The following LINGO2 variants were observed in gnomAD, a reference collection of about 807,000 sequenced individuals.
LINGO2 encodes leucine-rich repeat and immunoglobulin-like domain-containing nogo receptor-interacting protein 2.
A neutral mutation model predicts 30.6 loss-of-function variants in LINGO2; 14 were observed. The ratio of observed to expected loss-of-function variants is 0.46; its 90% CI spans 0.30 to 0.72. The LOEUF is 0.72. Ranked by LOEUF, LINGO2 falls within the 30% of genes least tolerant of loss-of-function variation. LINGO2 has a pLI of 0.07. For missense variants in LINGO2, 729 were observed against 751.7 expected (o/e 0.97, Z 0.35); for synonymous variants, 317 against 288.5 (o/e 1.10, Z -1.00).
intron 1 of LINGO2, among the ~76,000 whole-genome samples, chr9:28,605,932 A>G (rs1825675618): frequency 6.6e-6 from 1 of 152,036 alleles, no homozygotes; most frequent in African/African-American, 2.4e-5. Context: ...AATCTTTGCC[A>G]TTTCTCAGGT....
At chr9:28,633,088 G>A (rs1414917413) in intron 1 of LINGO2, among the ~76,000 whole-genome samples, 1 of 151,544 alleles carries the variant, frequency 6.6e-6, no homozygotes, top group Admixed American at 6.6e-5. Context: ...TAGACTAGGA[G>A]GCTAGGCCCA....
chr9:27,994,221 C>A lies in LINGO2; in HGVS notation c.-36+18134G>T, dbSNP rs559508286. Among the ~76,000 whole-genome samples, 16 of 151,672 alleles carry A rather than the reference C, an allele frequency of 1.1e-4. No individual in the cohort carries two copies. In the South Asian group the frequency reaches 3.3e-3, roughly 32 times the overall value. ...GTAAAAAGACTTCAGATAAACATCCCAAAAATGGACCTCAAAGAACTAGAA... is the reference window on the plus strand; with the variant it reads ...GTAAAAAGACTTCAGATAAACATCCAAAAAATGGACCTCAAAGAACTAGAA... On this transcript the variant is annotated intron_variant, in intron 5 of 5. Transcript: ENST00000379992.
the LINGO2 span, among the ~76,000 whole-genome samples, chr9:28,952,612 C>G: frequency 6.6e-6 from 1 of 152,110 alleles, no homozygotes; most frequent in East Asian, 1.9e-4. Flanking sequence ...CCTCTTAGAA[C>G]TCTTCCACCA....
chr9:28,418,674 G>C (rs1319676634), intron 2 of LINGO2, among the ~76,000 whole-genome samples: 2 of 152,044 alleles, frequency 1.3e-5, no homozygotes, highest in Non-Finnish European at 2.9e-5. Flanking sequence ...GATTAAAAGA[G>C]ACCATTTAGA....
At chr9:28,167,416 T>C (rs1828462240) in intron 4 of LINGO2, among the ~76,000 whole-genome samples, 1 of 152,246 alleles carries the variant, frequency 6.6e-6, no homozygotes. Context: ...AGTCTCCCTC[T>C]GTTGCCCCAG....
the LINGO2 span, among the ~76,000 whole-genome samples, chr9:28,880,939 A>T: frequency 4.6e-5 from 7 of 152,116 alleles, no homozygotes; most frequent in African/African-American, 1.7e-4. Context: ...TAATTATGAC[A>T]TAGATTCTTT....
the LINGO2 span, among the ~76,000 whole-genome samples, chr9:28,905,370 G>A: frequency 6.6e-6 from 1 of 150,894 alleles, no homozygotes; most frequent in Non-Finnish European, 1.5e-5. Flanking sequence ...CCTATAGAGT[G>A]GGATAAAACA....
rs1564160046 is a variant in LINGO2 at position 28,376,258 on chromosome 9, GA to G, written c.-278-3391del. On this transcript the variant is annotated intron_variant, in intron 2 of 5. Transcript: ENST00000379992. Reference sequence around the variant, plus strand: ...GAATTTTAGAATGGGTAGGAGAAGAGAAGAAGAGAAGAGAAGAGAAGAGAAG... The same window carrying G: ...GAATTTTAGAATGGGTAGGAGAAGAGAGAAGAGAAGAGAAGAGAAGAGAAG... 1.6e-4 allele frequency among the ~76,000 whole-genome samples: 24 copies of G among 148,842 alleles called. No homozygotes were observed. The South Asian group carries it at 4.6e-3, about 29-fold the overall frequency.
chr9:29,072,750 G>A, the LINGO2 span, among the ~76,000 whole-genome samples: 2 of 151,056 alleles, frequency 1.3e-5, no homozygotes, highest in Non-Finnish European at 2.9e-5. Flanking sequence ...TTTCTTCTCT[G>A]TCTCCTCTTC....
At chr9:29,098,630 G>C in the LINGO2 span, among the ~76,000 whole-genome samples, 2 of 152,100 alleles carry the variant, frequency 1.3e-5, no homozygotes, top group African/African-American at 4.8e-5. Flanking sequence ...GTAATATAGG[G>C]GAAGAGTGGC....
intron 1 of LINGO2, among the ~76,000 whole-genome samples, chr9:28,538,992 T>C (rs1431857913): frequency 1.3e-5 from 2 of 151,978 alleles, no homozygotes; most frequent in African/African-American, 4.8e-5. Flanking sequence ...CAAAAATGTA[T>C]GTGGATGGAA....
chr9:28,334,241 A>G (rs1187967120), intron 3 of LINGO2, among the ~76,000 whole-genome samples: 2 of 152,192 alleles, frequency 1.3e-5, no homozygotes, highest in Middle Eastern at 3.2e-3. Flanking sequence ...AATAAGATAC[A>G]TGAGGAAAAA....
chr9:29,037,739 G>A, the LINGO2 span, among the ~76,000 whole-genome samples: 1 of 151,784 alleles, frequency 6.6e-6, no homozygotes, highest in Non-Finnish European at 1.5e-5. Context: ...ACATTAAAAA[G>A]CTCTGTGACC....
chr9:29,046,063 G>C, the LINGO2 span, among the ~76,000 whole-genome samples: 3 of 152,090 alleles, frequency 2.0e-5, no homozygotes, highest in African/African-American at 7.2e-5. Context: ...TCTAGATAGA[G>C]AATCATGTCA....
intron 5 of LINGO2, among the ~76,000 whole-genome samples, chr9:27,961,650 T>A (rs1819853835): frequency 6.6e-6 from 1 of 152,190 alleles, no homozygotes; most frequent in South Asian, 2.1e-4. Flanking sequence ...TATGATCAGA[T>A]TTACATTTTG....
At chr9:28,467,434 T>C (rs1825360585) in intron 2 of LINGO2, among the ~76,000 whole-genome samples, 1 of 152,198 alleles carries the variant, frequency 6.6e-6, no homozygotes, top group South Asian at 2.1e-4. Context: ...AGATTCTGCT[T>C]TCCCTATGAT....
At chr9:28,538,825 G>A (rs1023252958) in intron 1 of LINGO2, among the ~76,000 whole-genome samples, 5 of 151,976 alleles carry the variant, frequency 3.3e-5, no homozygotes, top group Non-Finnish European at 4.4e-5. Flanking sequence ...TGTTGCATTG[G>A]GGTTTTGGGG....
At chr9:29,043,427 A>C in the LINGO2 span, among the ~76,000 whole-genome samples, 4 of 152,008 alleles carry the variant, frequency 2.6e-5, no homozygotes, top group African/African-American at 7.2e-5. Context: ...AATCTTATAA[A>C]AATCGAAAAA....
Position 28,317,620 on chromosome 9 carries a change from C to T in LINGO2, c.-245-22254G>A, listed in dbSNP as rs73431361. Reference sequence around the variant, plus strand: ...TGTGAGGATGAAATTTTAATGGATTCATTATTCTGAAAAAACAGAGTGTTA... The same window carrying T: ...TGTGAGGATGAAATTTTAATGGATTTATTATTCTGAAAAAACAGAGTGTTA... On this transcript the variant is annotated intron_variant, in intron 3 of 5. Coordinates refer to ENST00000379992, the Ensembl canonical transcript of LINGO2. Among the ~76,000 whole-genome samples, 1,350 of 151,456 alleles carry T rather than the reference C, an allele frequency of 8.9e-3. 26 individuals carry two copies. Among genetic ancestry groups the T allele is most frequent in the African/African-American group, 0.031 (1,302 of 41,434 alleles).
Sources: gnomAD v4.1 joint callset for allele counts (sites outside exome capture counted in the v4.1 genomes callset) on GRCh38, gnomAD v4.1.1 for gene constraint, MANE v1.5 for transcripts, NCBI Gene and HGNC (gene_info 2026-07-23, HGNC 2026-07-21) for gene names.